SASH1: variants seen among roughly 807,000 people sequenced by gnomAD.
The protein encoded by SASH1 is SAM and SH3 domain-containing protein 1.
A neutral mutation model predicts 125.2 loss-of-function variants in SASH1; 44 were observed. The observed-to-expected ratio is 0.35, with a 90% confidence interval of 0.28 to 0.45. The LOEUF is 0.45. SASH1 is among the 20% of genes least tolerant of loss of function. The pLI, the probability that SASH1 is intolerant of heterozygous loss-of-function variation, is 1.00. For missense variants in SASH1, 1,426 were observed against 1,614.5 expected (o/e 0.88, Z 2.00); for synonymous variants, 639 against 649.1 (o/e 0.98, Z 0.24).
At chr6:148,417,609 A>ATAAATAAATAAAT (rs1562393672) in intron 2 of SASH1, among the ~76,000 whole-genome samples, 1 of 151,848 alleles carries the variant, frequency 6.6e-6, no homozygotes, top group Admixed American at 6.6e-5. Context: ...AAATAAATAA[A>ATAAATAAATAAAT]AGAGCATGTA....
rs996911566 is a variant in SASH1, at chr6:148,384,585, A to G, written c.157-5549A>G. ...GCGATCCTATGGAAACCTCATCTAC[A>G]TTATTTAAATTTCCTGCAGACTCAT... On this transcript the variant is annotated intron_variant, in intron 1 of 19. Coordinates refer to ENST00000367467, the MANE Select transcript of SASH1 (RefSeq NM_015278.5). 5.9e-5 allele frequency among the ~76,000 whole-genome samples: 9 copies of G among 152,212 alleles called. No homozygotes were observed. The South Asian group carries it at 1.7e-3, about 28-fold the overall frequency.
intron 2 of SASH1, among the ~76,000 whole-genome samples, chr6:148,430,419 C>T (rs1296112677): frequency 1.3e-5 from 2 of 152,226 alleles, no homozygotes; most frequent in Non-Finnish European, 2.9e-5. Context: ...GCAGCCTTCG[C>T]CTCCTGGGTT....
intron 4 of SASH1, among the ~76,000 whole-genome samples, chr6:148,457,244 G>C (rs1777405389): frequency 1.6e-5 from 2 of 124,754 alleles, no homozygotes; most frequent in Non-Finnish European, 3.2e-5. Context: ...GTCAGAATTT[G>C]ACCTGAAGCC....
At chr6:148,269,833 A>G (rs1236428364), upstream of SASH1, among the ~76,000 whole-genome samples, 3 of 152,204 alleles carry the variant, frequency 2.0e-5, no homozygotes, top group Non-Finnish European at 4.4e-5. Flanking sequence ...TCCTCAAATC[A>G]TAGCTGATAA....
At chr6:148,362,315 C>T (rs1782267014) in intron 1 of SASH1, among the ~76,000 whole-genome samples, 1 of 151,600 alleles carries the variant, frequency 6.6e-6, no homozygotes, top group African/African-American at 2.4e-5. Flanking sequence ...CTCTGCCTCT[C>T]TGGTTTAAGA....
intron 2 of SASH1, among the ~76,000 whole-genome samples, chr6:148,424,058 A>G (rs2114954701): frequency 6.6e-6 from 1 of 151,362 alleles, no homozygotes; most frequent in South Asian, 2.1e-4. Context: ...TCCTGCAGTC[A>G]AGCTTGAATG....
the SASH1 span, among the ~76,000 whole-genome samples, chr6:148,201,500 G>T: frequency 6.6e-6 from 1 of 152,098 alleles, no homozygotes. Context: ...TGATTCAGTG[G>T]CCTAGGGTGG....
At chr6:148,214,491 A>G in the SASH1 span, among the ~76,000 whole-genome samples, 4 of 152,200 alleles carry the variant, frequency 2.6e-5, no homozygotes, top group Non-Finnish European at 5.9e-5. Flanking sequence ...GTATTACCCC[A>G]TAGAGGAGCT....
chr6:148,311,657 A>G (rs1180296608), intron 1 of SASH1, among the ~76,000 whole-genome samples: 4 of 152,010 alleles, frequency 2.6e-5, no homozygotes, highest in Admixed American at 1.3e-4. Flanking sequence ...TAGAAAAATG[A>G]GCTGAATGTG....
chr6:148,465,010 G>A (rs1194827856), intron 4 of SASH1, among the ~76,000 whole-genome samples: 3 of 152,070 alleles, frequency 2.0e-5, no homozygotes, highest in Non-Finnish European at 4.4e-5. Context: ...CAAAGTGTGT[G>A]GTAGTTTGAA....
chr6:148,270,739 A>G (rs773964575), upstream of SASH1, among the ~76,000 whole-genome samples: 1 of 152,190 alleles, frequency 6.6e-6, no homozygotes, highest in Non-Finnish European at 1.5e-5. Flanking sequence ...TTAATACACC[A>G]TCACTGATAT....
intron 2 of SASH1, among the ~76,000 whole-genome samples, chr6:148,399,256 C>T (rs1191059262): frequency 9.1e-6 from 1 of 109,298 alleles, no homozygotes; most frequent in Non-Finnish European, 1.8e-5. Context: ...TCACTCTTGT[C>T]TGCCAGGCTG....
intron 1 of SASH1, chr6:148,379,987 A>G (rs1056908612): frequency 6.6e-6 from 3 of 456,108 alleles, no homozygotes; most frequent in South Asian, 3.1e-5. Flanking sequence ...CGTAGGTGCC[A>G]CACAAAGAGT....
At chr6:148,282,976 G>T (rs1031742859) in intron 1 of SASH1, among the ~76,000 whole-genome samples, 2 of 152,086 alleles carry the variant, frequency 1.3e-5, no homozygotes, top group South Asian at 2.1e-4. Flanking sequence ...TCCAGAGAAC[G>T]CCTGGAGTCA....
intron 8 of SASH1, among the ~76,000 whole-genome samples, chr6:148,493,645 CA>C (rs112585027): frequency 1.6e-4 from 25 of 152,166 alleles, no homozygotes; most frequent in Non-Finnish European, 2.9e-5. Context: ...TTCCCCACCC[CA>C]ATCGCTGAAA....
chr6:148,214,043 C>T, the SASH1 span, among the ~76,000 whole-genome samples: 1 of 152,180 alleles, frequency 6.6e-6, no homozygotes, highest in African/African-American at 2.4e-5. Context: ...AAAACAGCTT[C>T]TTCTCAGAAA....
chr6:148,326,333 T>TATATGCATATATATATATATATATATGC (rs1562326071), intron 1 of SASH1, among the ~76,000 whole-genome samples: 5 of 65,628 alleles, frequency 7.6e-5, no homozygotes, highest in African/African-American at 3.2e-4. Context: ...CATATATATA[T>TATATGCATATATATATATATATATATGC]ATATATATAT....
At chr6:148,303,842 CTAAA>C (rs978774727) in intron 1 of SASH1, among the ~76,000 whole-genome samples, 2 of 150,770 alleles carry the variant, frequency 1.3e-5, no homozygotes, top group African/African-American at 2.4e-5. Flanking sequence ...AAAAATACTC[CTAAA>C]TAGTCAGTGG....
chr6:148,337,878 C>A (rs183380264), upstream of SASH1, among the ~76,000 whole-genome samples: 20 of 152,258 alleles, frequency 1.3e-4, no homozygotes, highest in East Asian at 3.7e-3. Context: ...TTATGAGCCA[C>A]AGAATTGATT....
Sources: gnomAD v4.1 joint callset for allele counts (sites outside exome capture counted in the v4.1 genomes callset) on GRCh38, gnomAD v4.1.1 for gene constraint, MANE v1.5 for transcripts, NCBI Gene and HGNC (gene_info 2026-07-23, HGNC 2026-07-21) for gene names.